Variants in KCND3 observed in about 807,000 individuals in gnomAD.
KCND3 encodes the protein A-type voltage-gated potassium channel KCND3.
In KCND3, 9 loss-of-function variants were observed where a neutral mutation model predicts 51.1. That is an observed-to-expected ratio of 0.18 (90% CI 0.11 to 0.31). The LOEUF (loss-of-function observed/expected upper bound fraction) is 0.31, where lower values mean the gene tolerates loss of function less well. Ranked by LOEUF, KCND3 falls within the 10% of genes least tolerant of loss-of-function variation. The probability of loss-of-function intolerance (pLI) is 1.00; values close to 1 mark genes in which losing one functional copy is unlikely to be tolerated. For missense variants in KCND3, 526 were observed against 903.8 expected, an observed-to-expected ratio of 0.58 and a Z score of 5.36; for synonymous variants, 349 against 368.0, an observed-to-expected ratio of 0.95 and a Z score of 0.59.
At chr1:111,978,424 A>C (rs891557215) in intron 2 of KCND3, among the ~76,000 whole-genome samples, 2 of 152,228 alleles carry the variant, frequency 1.3e-5, no homozygotes, top group African/African-American at 4.8e-5. Context: ...TGATGGCAAG[A>C]TATTGGTCCT....
intron 2 of KCND3, among the ~76,000 whole-genome samples, chr1:111,803,357 C>T (rs1665408408): frequency 6.6e-6 from 1 of 152,212 alleles, no homozygotes; most frequent in Non-Finnish European, 1.5e-5. Flanking sequence ...GATTCTCTTT[C>T]AGTCTCTGCC....
chr1:111,903,569 T>C (rs9429421), intron 2 of KCND3, among the ~76,000 whole-genome samples: 4,876 of 152,342 alleles, frequency 0.032, 274 homozygotes, highest in African/African-American at 0.11. Flanking sequence ...GACTTGCATC[T>C]ACTGCCATAT....
rs1248296677 is a variant in KCND3 at position 111,771,934 on chromosome 1, G to T, written c.*4143C>A. The T allele has an allele frequency of 6.6e-6, 1 of 152,098 alleles. No homozygotes were observed. Among genetic ancestry groups the T allele is most frequent in the Non-Finnish European group, 1.5e-5 (1 of 68,020 alleles). 9.4% of individuals were successfully genotyped at this position (152,098 alleles called of 1,614,324 possible). ...GTTTCCAGAGATCTTGGTTCACGGT[G>T]GTTCTGAATTGAATACTTCCCTCCC... On this transcript the variant is annotated 3_prime_UTR_variant, in exon 8 of 8. Transcript: ENST00000302127.
intron 2 of KCND3, among the ~76,000 whole-genome samples, chr1:111,788,523 T>G (rs538306362): frequency 6.6e-6 from 1 of 152,336 alleles, no homozygotes; most frequent in South Asian, 2.1e-4. Flanking sequence ...TGATCTCACT[T>G]AAGCCTCTCA....
At chr1:111,847,308 T>C (rs776080630) in intron 2 of KCND3, among the ~76,000 whole-genome samples, 2 of 152,066 alleles carry the variant, frequency 1.3e-5, no homozygotes, top group African/African-American at 2.4e-5. Context: ...CAAAAGTATA[T>C]TGATTGAGGA....
chr1:111,970,209 G>T (rs1202103268), intron 2 of KCND3, among the ~76,000 whole-genome samples: 3 of 152,024 alleles, frequency 2.0e-5, no homozygotes, highest in African/African-American at 4.8e-5. Context: ...TAGAGACAGG[G>T]TTTTACCATG....
chr1:111,889,914 A>C (rs1220850451), intron 2 of KCND3, among the ~76,000 whole-genome samples: 1 of 152,122 alleles, frequency 6.6e-6, no homozygotes, highest in Non-Finnish European at 1.5e-5. Flanking sequence ...AGATGTGTGA[A>C]TTTCAGGCAG....
chr1:111,923,419 G>A (rs903017112), intron 2 of KCND3, among the ~76,000 whole-genome samples: 2 of 152,112 alleles, frequency 1.3e-5, no homozygotes, highest in South Asian at 2.1e-4. Flanking sequence ...CCTTCTTCCT[G>A]TGCCCCATCT....
intron 2 of KCND3, among the ~76,000 whole-genome samples, chr1:111,939,734 T>C (rs1262358310): frequency 6.6e-6 from 1 of 152,250 alleles, no homozygotes; most frequent in East Asian, 1.9e-4. Flanking sequence ...CCTTTGGGTA[T>C]ATACCCAGTA....
chr1:111,967,015 C>T (rs867353229), intron 2 of KCND3, among the ~76,000 whole-genome samples: 1 of 151,988 alleles, frequency 6.6e-6, no homozygotes, highest in Non-Finnish European at 1.5e-5. Flanking sequence ...TAGCGCATGC[C>T]TGTAATCCCA....
chr1:111,911,086 AC>A (rs914055128), intron 2 of KCND3, among the ~76,000 whole-genome samples: 1 of 152,078 alleles, frequency 6.6e-6, no homozygotes, highest in Admixed American at 6.5e-5. Flanking sequence ...ATGCCAGATG[AC>A]CTTTTTGCTC....
At chr1:111,791,598 C>T (rs143962752) in intron 2 of KCND3, among the ~76,000 whole-genome samples, 248 of 152,338 alleles carry the variant, frequency 1.6e-3, no homozygotes, top group African/African-American at 5.6e-3. Context: ...TTACTGTTTT[C>T]GTTTAACCTT....
intron 2 of KCND3, among the ~76,000 whole-genome samples, chr1:111,804,352 G>A (rs1665464358): frequency 1.3e-5 from 2 of 152,204 alleles, no homozygotes; most frequent in Non-Finnish European, 2.9e-5. Flanking sequence ...GGGCTAGCAG[G>A]GACCCATCTG....
At position 111,854,321 on chromosome 1, in the gene KCND3, T is replaced by A. The variant is rs927601459; in HGVS notation, c.1107-67215A>T. Among the ~76,000 whole-genome samples the A allele has an allele frequency of 2.6e-5, 4 of 152,242 alleles. No homozygotes were observed. In the South Asian group the frequency reaches 8.3e-4, roughly 32 times the overall value. On this transcript the variant is annotated intron_variant, in intron 2 of 7. Transcript: ENST00000302127. ...TATTTAAACTAAAAAGTTTCATTGTTCTGTGTTTTAATTTGTGAAATCTGG... is the reference window on the plus strand; with the variant it reads ...TATTTAAACTAAAAAGTTTCATTGTACTGTGTTTTAATTTGTGAAATCTGG...
intron 2 of KCND3, among the ~76,000 whole-genome samples, chr1:111,826,543 G>T (rs1253682865): frequency 6.6e-6 from 1 of 152,148 alleles, no homozygotes; most frequent in African/African-American, 2.4e-5. Flanking sequence ...AAGACATGCA[G>T]GTCTCAGGCC....
chr1:111,982,139 C>A lies in KCND3; in HGVS notation c.588G>T (p.Ser196=). 1.2e-6 allele frequency: 2 copies of A among 1,613,782 alleles called. No individual in the cohort carries two copies. The highest frequency in any genetic ancestry group is 1.7e-6 in the Non-Finnish European group (2 of 1,179,968). The stretch of plus-strand genomic sequence containing the variant: ...CCGTCTCCACCACGTTGGTGATGAC[C>A]GAGACAGCGATGAAGAAGCCAGTCA... ...YYVTGFFIAV[S]VITNVVETVP... Residue 196 remains serine, a synonymous_variant, in exon 2 of 8, where the codon TCG becomes TCT. Coordinates refer to ENST00000302127, the MANE Select transcript of KCND3 (RefSeq NM_001378969.1). The surrounding 1 kb of genome is among the most constrained non-coding windows in gnomAD (Gnocchi z 8.5).
chr1:111,943,094 C>T (rs55712770), intron 2 of KCND3, among the ~76,000 whole-genome samples: 3,489 of 152,216 alleles, frequency 0.023, 136 homozygotes, highest in African/African-American at 0.08. Context: ...GAAGGGGACA[C>T]CCAGGAGTGA....
At chr1:111,778,973 A>C (rs1436604031) in intron 5 of KCND3, among the ~76,000 whole-genome samples, 1 of 152,154 alleles carries the variant, frequency 6.6e-6, no homozygotes, top group Non-Finnish European at 1.5e-5. Context: ...TCCACCCAGC[A>C]CATGCAACTT....
intron 2 of KCND3, among the ~76,000 whole-genome samples, chr1:111,813,618 C>T (rs912255581): frequency 2.0e-5 from 3 of 152,360 alleles, no homozygotes; most frequent in South Asian, 4.1e-4. Flanking sequence ...GGGGTCCGTG[C>T]CCCACACACC....
Sources: gnomAD v4.1 joint callset for allele counts (sites outside exome capture counted in the v4.1 genomes callset) on GRCh38, gnomAD v4.1.1 for gene constraint, Gnocchi (gnomAD v3.1) non-coding constraint, MANE v1.5 for transcripts, NCBI Gene and HGNC (gene_info 2026-07-23, HGNC 2026-07-21) for gene names.